FBXL17: variants seen among roughly 807,000 people sequenced by gnomAD.
FBXL17 encodes F-box/LRR-repeat protein 17.
In FBXL17, 22 loss-of-function variants were observed where a neutral mutation model predicts 66.2. The ratio of observed to expected loss-of-function variants is 0.33; its 90% CI spans 0.24 to 0.47. The LOEUF (loss-of-function observed/expected upper bound fraction) is 0.47. Ranked by LOEUF, FBXL17 falls within the 20% of genes least tolerant of loss-of-function variation. The pLI, the probability that FBXL17 is intolerant of heterozygous loss-of-function variation, is 1.00. For synonymous variants in FBXL17, 474 were observed against 400.5 expected (o/e 1.18, Z -2.19); for missense variants, 878 against 948.2 (o/e 0.93, Z 0.97).
chr5:108,081,188 T>C (rs1006554406), intron 6 of FBXL17, among the ~76,000 whole-genome samples: 2 of 152,100 alleles, frequency 1.3e-5, no homozygotes, highest in African/African-American at 4.8e-5. Context: ...GTGTTAATGC[T>C]GGTCAGTTGT....
chr5:108,023,159 C>T (rs2112768594), intron 6 of FBXL17, among the ~76,000 whole-genome samples: 1 of 152,240 alleles, frequency 6.6e-6, no homozygotes, highest in South Asian at 2.1e-4. Flanking sequence ...TTTCCAAATA[C>T]TTTTAATTAC....
chr5:108,141,860 T>G (rs531775437), intron 6 of FBXL17, among the ~76,000 whole-genome samples: 3 of 152,326 alleles, frequency 2.0e-5, no homozygotes, highest in Admixed American at 6.5e-5. Context: ...CAAGCTTCAG[T>G]GTAAACCTCA....
At chr5:108,309,662 G>C (rs1374704614) in intron 4 of FBXL17, among the ~76,000 whole-genome samples, 1 of 151,830 alleles carries the variant, frequency 6.6e-6, no homozygotes, top group Admixed American at 6.6e-5. Flanking sequence ...CACATATAAA[G>C]AATAACTTTT....
chr5:108,055,608 C>CAAAA (rs55653715), intron 6 of FBXL17, among the ~76,000 whole-genome samples: 120 of 50,358 alleles, frequency 2.4e-3, no homozygotes, highest in Non-Finnish European at 2.9e-3. Flanking sequence ...GACTCTGTCT[C>CAAAA]AAAAAAAAAA....
At chr5:108,126,664 C>CTCTCTCTCTCTCTCTCTCT (rs1561423141) in intron 6 of FBXL17, among the ~76,000 whole-genome samples, 1 of 107,958 alleles carries the variant, frequency 9.3e-6, no homozygotes, top group African/African-American at 3.2e-5. Context: ...TATATATATA[C>CTCTCTCTCTCTCTCTCTCT]ATATATATAT....
At chr5:108,337,338 T>C (rs1213959515) in intron 4 of FBXL17, among the ~76,000 whole-genome samples, 2 of 152,046 alleles carry the variant, frequency 1.3e-5, no homozygotes, top group Non-Finnish European at 2.9e-5. Context: ...TGGCAGTTCC[T>C]TTCAGAAAAT....
chr5:108,130,460 C>A (rs1251810387), intron 6 of FBXL17, among the ~76,000 whole-genome samples: 2 of 151,856 alleles, frequency 1.3e-5, no homozygotes, highest in African/African-American at 4.8e-5. Context: ...AATAAGATGT[C>A]AGGGGCTGTT....
At chr5:108,108,772 C>T (rs1749909336) in intron 6 of FBXL17, among the ~76,000 whole-genome samples, 1 of 149,750 alleles carries the variant, frequency 6.7e-6, no homozygotes, top group Non-Finnish European at 1.5e-5. Context: ...CCAAAAGACT[C>T]ACACTTTGTT....
chr5:108,087,038 G>A (rs921209558), intron 6 of FBXL17, among the ~76,000 whole-genome samples: 3 of 152,020 alleles, frequency 2.0e-5, no homozygotes, highest in Non-Finnish European at 1.5e-5. Flanking sequence ...TAGGACATAC[G>A]CTTTCCATAC....
At chr5:107,865,505 CTG>C (rs1748246825) in intron 8 of FBXL17, among the ~76,000 whole-genome samples, 1 of 152,248 alleles carries the variant, frequency 6.6e-6, no homozygotes, top group African/African-American at 2.4e-5. Flanking sequence ...TAAAATACAT[CTG>C]TAGTTGAGAA....
intron 4 of FBXL17, among the ~76,000 whole-genome samples, chr5:108,227,939 C>G (rs1035912220): frequency 2.6e-5 from 4 of 152,128 alleles, no homozygotes; most frequent in Non-Finnish European, 5.9e-5. Context: ...TGGTTAAACA[C>G]CCTGCTCAAT....
chr5:108,281,879 C>T (rs1757715213), intron 4 of FBXL17, among the ~76,000 whole-genome samples: 1 of 151,564 alleles, frequency 6.6e-6, no homozygotes, highest in Non-Finnish European at 1.5e-5. Context: ...GATCATCATA[C>T]ACTTATATGC....
intron 7 of FBXL17, among the ~76,000 whole-genome samples, chr5:107,979,251 A>C (rs1205198371): frequency 6.6e-6 from 1 of 152,226 alleles, no homozygotes; most frequent in Non-Finnish European, 1.5e-5. Flanking sequence ...ATAGGATAAT[A>C]TATTAAATCA....
At chr5:108,322,229 G>A (rs1759652153) in intron 4 of FBXL17, among the ~76,000 whole-genome samples, 1 of 151,902 alleles carries the variant, frequency 6.6e-6, no homozygotes, top group African/African-American at 2.4e-5. Flanking sequence ...AATTTGTACA[G>A]TATATTTATA....
Position 108,378,672 on chromosome 5 carries a change from T to A in FBXL17, c.993+2027A>T, listed in dbSNP as rs548787719. The stretch of plus-strand genomic sequence containing the variant: ...TCAGAATATGGACATTCCTTAGAAA[T>A]ATCTCTTCGTGGTGTGGCGTATTCA... On this transcript the variant is annotated intron_variant, in intron 1 of 8. Transcript: ENST00000542267. 4.1e-4 allele frequency among the ~76,000 whole-genome samples: 62 copies of A among 152,294 alleles called. No individual in the cohort carries two copies. The South Asian group carries it at 9.5e-3, about 23-fold the overall frequency.
intron 4 of FBXL17, among the ~76,000 whole-genome samples, chr5:108,254,917 T>C (rs975483521): frequency 1.3e-5 from 2 of 152,212 alleles, no homozygotes; most frequent in Non-Finnish European, 2.9e-5. Flanking sequence ...TTTACTGTAA[T>C]ATGACACTAT....
intron 6 of FBXL17, among the ~76,000 whole-genome samples, chr5:108,042,673 G>T (rs1747097152): frequency 6.6e-6 from 1 of 152,206 alleles, no homozygotes; most frequent in Non-Finnish European, 1.5e-5. Context: ...TTAAAGGACA[G>T]TTATTTCCAG....
intron 4 of FBXL17, among the ~76,000 whole-genome samples, chr5:108,335,233 C>T (rs976326191): frequency 6.8e-6 from 1 of 147,502 alleles, no homozygotes; most frequent in Admixed American, 6.8e-5. Flanking sequence ...TCCCCCACCC[C>T]CCCCCAACAC....
At chr5:108,126,978 C>T (rs1750742134) in intron 6 of FBXL17, among the ~76,000 whole-genome samples, 1 of 151,936 alleles carries the variant, frequency 6.6e-6, no homozygotes, top group Non-Finnish European at 1.5e-5. Flanking sequence ...CATTTAAAGT[C>T]ACCAGAAACC....
Sources: allele counts gnomAD v4.1 joint callset (sites outside exome capture counted in the v4.1 genomes callset), GRCh38; gene constraint gnomAD v4.1.1; transcripts MANE v1.5; gene names NCBI Gene and HGNC (gene_info 2026-07-23, HGNC 2026-07-21).